UGGT2: variants seen among roughly 807,000 people sequenced by gnomAD.
UGGT2 encodes the protein UDP-glucose:glycoprotein glucosyltransferase 2.
Under a neutral mutation model 192.1 loss-of-function variants are expected in UGGT2, and 180 were observed. The observed-to-expected ratio is 0.94, with a 90% CI of 0.83 to 1.06. UGGT2 has a LOEUF of 1.06. Among genes scored for constraint, UGGT2 ranks in the 50% least tolerant of loss-of-function variants. The probability of loss-of-function intolerance (pLI) is 0.00; values close to 1 mark genes in which losing one functional copy is unlikely to be tolerated. For missense variants in UGGT2, 1,849 were observed against 1,795.7 expected (o/e 1.03, Z -0.54); for synonymous variants, 580 against 591.0 (o/e 0.98, Z 0.27).
chr13:95,891,235 G>A (rs547114582), intron 24 of UGGT2, among the ~76,000 whole-genome samples: 1 of 152,144 alleles, frequency 6.6e-6, no homozygotes, highest in Admixed American at 6.6e-5. Context: ...TAAAAACTCT[G>A]ATAATTTTAG....
At chr13:95,851,825 C>A (rs555913558) in intron 36 of UGGT2, among the ~76,000 whole-genome samples, 3 of 152,246 alleles carry the variant, frequency 2.0e-5, no homozygotes, top group Non-Finnish European at 4.4e-5. Flanking sequence ...AAAAATGAAT[C>A]CTTTCTTCAG....
intron 20 of UGGT2, among the ~76,000 whole-genome samples, chr13:95,912,011 A>C (rs2048515705): frequency 6.6e-6 from 1 of 152,250 alleles, no homozygotes; most frequent in Non-Finnish European, 1.5e-5. Flanking sequence ...ATAGATGCAG[A>C]AAAGGCCTTT....
In UGGT2 at chr13:95,983,855, G is replaced by A. The variant is rs538231177; in HGVS notation, c.1041C>T (p.Thr347=). 5 of 1,565,136 alleles carry A rather than the reference G, an allele frequency of 3.2e-6. No individual in the cohort carries two copies. Among genetic ancestry groups the A allele is most frequent in the African/African-American group, 1.4e-5 (1 of 72,980 alleles). Residue 347 remains threonine, a synonymous_variant, in exon 10 of 39, where the codon ACC becomes ACT. Coordinates refer to ENST00000376747, the MANE Select transcript of UGGT2 (RefSeq NM_020121.4). ...TCATATGTTGATTTACAGCAATTCT[G>A]GTTAGAGATCTGGAAAAATGAATAC... ...QNFPIKARSL[T]RIAVNQHMRE... is the part of the protein sequence containing the mutation.
chr13:95,972,453 T>A (rs1469238942), intron 11 of UGGT2, 127 bp downstream of exon 11: 12 of 893,290 alleles, frequency 1.3e-5, no homozygotes, highest in Middle Eastern at 3.6e-4. Flanking sequence ...AAGAAAGCTG[T>A]TTTGTACAAT....
intron 36 of UGGT2, among the ~76,000 whole-genome samples, chr13:95,848,328 T>G (rs1888685872): frequency 6.6e-6 from 1 of 152,214 alleles, no homozygotes; most frequent in Non-Finnish European, 1.5e-5. Context: ...AATTATTACT[T>G]CACGGATCAT....
intron 30 of UGGT2, 88 bp downstream of exon 30, chr13:95,867,250 AT>A: frequency 8.6e-7 from 1 of 1,158,652 alleles, no homozygotes; most frequent in Non-Finnish European, 1.2e-6. Flanking sequence ...TGTAAAGTTA[AT>A]TGTAAAATAA....
Position 95,902,840 on chromosome 13 carries a change from A to T in UGGT2, c.2502+14T>A. The T allele has an allele frequency of 2.5e-6, 4 of 1,605,486 alleles. No homozygotes were observed. In the South Asian group the frequency reaches 3.3e-5, roughly 13 times the overall value. On this transcript the variant is annotated intron_variant, in intron 21 of 38. Transcript: ENST00000376747. ...GCAATACATACATATTTAATATTTC[A>T]AATAGCTACTGACCTCAATAAGGAA...
At chr13:95,937,156 T>C in intron 16 of UGGT2, 68 bp from the exon 17 acceptor site, 1 of 1,488,678 alleles carries the variant, frequency 6.7e-7, no homozygotes, top group Non-Finnish European at 9.0e-7. Flanking sequence ...CATAAGAAAA[T>C]GGAACACCGC....
At chr13:95,954,402 T>G (rs2050154688) in intron 12 of UGGT2, among the ~76,000 whole-genome samples, 1 of 152,114 alleles carries the variant, frequency 6.6e-6, no homozygotes, top group African/African-American at 2.4e-5. Context: ...CCTCCTTCCT[T>G]TTGGAATTCA....
At chr13:95,806,383 T>C (rs1884306668) in intron 38 of UGGT2, among the ~76,000 whole-genome samples, 2 of 152,136 alleles carry the variant, frequency 1.3e-5, no homozygotes, top group Admixed American at 1.3e-4. Flanking sequence ...TGAAATGAAT[T>C]ACTGGAGATC....
intron 5 of UGGT2, among the ~76,000 whole-genome samples, chr13:96,008,367 A>G (rs111549202): frequency 0.011 from 1,630 of 152,232 alleles, 34 homozygotes; most frequent in African/African-American, 0.037. Context: ...CATAGTCCTG[A>G]AAGTCCTGGC....
chr13:95,922,377 C>A (rs1218636111), intron 20 of UGGT2, among the ~76,000 whole-genome samples: 4 of 152,282 alleles, frequency 2.6e-5, no homozygotes, highest in Admixed American at 6.5e-5. Context: ...ACTTGGAGAA[C>A]AGAATCATTA....
chr13:95,829,177 A>G lies in UGGT2; in HGVS notation c.4528+3750T>C, dbSNP rs149283176. ...TATTGATGGGACGTATCTCAAAATA[A>G]TAAGAGCGATTTATGACAAACCCAC... is the stretch of plus-strand genomic sequence containing the variant. On this transcript the variant is annotated intron_variant, in intron 38 of 38. Coordinates refer to ENST00000376747, the MANE Select transcript of UGGT2 (RefSeq NM_020121.4). Among the ~76,000 whole-genome samples, 100 of 152,346 alleles carry G rather than the reference A, an allele frequency of 6.6e-4. 4 individuals are homozygous for G. The East Asian group carries it at 0.015, about 22-fold the overall frequency.
chr13:95,940,435 T>C (rs1469240349), intron 15 of UGGT2, among the ~76,000 whole-genome samples: 1 of 151,320 alleles, frequency 6.6e-6, no homozygotes, highest in Non-Finnish European at 1.5e-5. Flanking sequence ...TTATTGCTTT[T>C]CTGTAATTTT....
Position 95,970,016 on chromosome 13 carries a change from T to C in UGGT2, c.1335+96A>G, listed in dbSNP as rs1368780482. The C allele has an allele frequency of 2.3e-6, 3 of 1,291,464 alleles. No homozygotes were observed. In the African/African-American group the frequency reaches 4.5e-5, roughly 20 times the overall value. 80.0% of individuals were successfully genotyped at this position (1,291,464 alleles called of 1,614,324 possible). Reference sequence around the variant, plus strand: ...CTTTTCACTGAGAACTGTTCCAAAATGCTGACATTTATCATCAGGCCTGCC... The same window carrying C: ...CTTTTCACTGAGAACTGTTCCAAAACGCTGACATTTATCATCAGGCCTGCC... On this transcript the variant is annotated intron_variant, in intron 12 of 38. Transcript: ENST00000376747.
intron 10 of UGGT2, among the ~76,000 whole-genome samples, chr13:95,978,835 T>C (rs1035813883): frequency 6.6e-6 from 1 of 152,208 alleles, no homozygotes; most frequent in African/African-American, 2.4e-5. Context: ...AAAAGTATGA[T>C]TTACAGATGT....
At chr13:95,968,847 C>T (rs1383701584) in intron 12 of UGGT2, among the ~76,000 whole-genome samples, 6 of 152,114 alleles carry the variant, frequency 3.9e-5, no homozygotes, top group South Asian at 4.2e-4. Context: ...TACACATATA[C>T]GTGTGTGTGT....
intron 38 of UGGT2, among the ~76,000 whole-genome samples, chr13:95,814,312 G>A (rs2139752628): frequency 6.6e-6 from 1 of 152,330 alleles, no homozygotes; most frequent in East Asian, 1.9e-4. Flanking sequence ...ACACGGCAAG[G>A]CCACAGGGGT....
intron 15 of UGGT2, among the ~76,000 whole-genome samples, chr13:95,943,244 A>G (rs1264613692): frequency 6.6e-6 from 1 of 152,050 alleles, no homozygotes; most frequent in Non-Finnish European, 1.5e-5. Flanking sequence ...CCAAAATTCC[A>G]CTTTGGTCGG....
Sources: gnomAD v4.1 joint callset for allele counts (sites outside exome capture counted in the v4.1 genomes callset) on GRCh38, gnomAD v4.1.1 for gene constraint, MANE v1.5 for transcripts, NCBI Gene and HGNC (gene_info 2026-07-23, HGNC 2026-07-21) for gene names.